LUZP2: variants seen among roughly 807,000 people sequenced by gnomAD.
LUZP2 encodes leucine zipper protein 2.
A neutral mutation model predicts 51.6 loss-of-function variants in LUZP2; 52 were observed. That is an observed-to-expected ratio of 1.01 (90% CI 0.81 to 1.27). LUZP2 has a LOEUF of 1.27. LUZP2 is among the 50% of genes most tolerant of loss of function. The pLI is 0.00. For missense variants in LUZP2, 436 were observed against 395.4 expected (o/e 1.10, Z -0.87); for synonymous variants, 154 against 137.3 (o/e 1.12, Z -0.85).
At chr11:25,035,381 C>T (rs1358672351) in intron 9 of LUZP2, among the ~76,000 whole-genome samples, 4 of 152,034 alleles carry the variant, frequency 2.6e-5, no homozygotes, top group African/African-American at 7.2e-5. Flanking sequence ...AGCATTTCTA[C>T]ACATCAACAA....
intron 9 of LUZP2, among the ~76,000 whole-genome samples, chr11:24,998,714 T>C (rs1449408754): frequency 2.0e-5 from 3 of 152,178 alleles, no homozygotes; most frequent in African/African-American, 7.2e-5. Flanking sequence ...CCCAACTTAA[T>C]AGGATTTCTG....
chr11:24,856,241 C>G (rs1036688138), intron 5 of LUZP2, among the ~76,000 whole-genome samples: 4 of 151,596 alleles, frequency 2.6e-5, no homozygotes, highest in Non-Finnish European at 1.5e-5. Flanking sequence ...AGGAACTTAA[C>G]AACAAGAAAC....
chr11:24,525,050 T>A (rs371922910), intron 1 of LUZP2, among the ~76,000 whole-genome samples: 9 of 151,760 alleles, frequency 5.9e-5, no homozygotes, highest in African/African-American at 1.9e-4. Context: ...TTCTTCAATG[T>A]TCAGGACTAT....
At chr11:24,694,109 C>T (rs114801602) in intron 1 of LUZP2, among the ~76,000 whole-genome samples, 2,830 of 152,088 alleles carry the variant, frequency 0.019, 98 homozygotes, top group African/African-American at 0.064. Flanking sequence ...TTATATTTCA[C>T]TCTAAGTAAA....
chr11:24,599,675 G>T (rs1209365393), intron 1 of LUZP2, among the ~76,000 whole-genome samples: 5 of 152,046 alleles, frequency 3.3e-5, no homozygotes, highest in African/African-American at 1.2e-4. Flanking sequence ...TTTCTCCTCA[G>T]TTACCATATT....
intron 1 of LUZP2, among the ~76,000 whole-genome samples, chr11:24,653,764 C>T (rs770145976): frequency 2.0e-5 from 3 of 152,038 alleles, no homozygotes; most frequent in Non-Finnish European, 2.9e-5. Context: ...AAAAGTGATC[C>T]GTTCCCAGAA....
intron 5 of LUZP2, among the ~76,000 whole-genome samples, chr11:24,854,213 C>T (rs1056731384): frequency 7.9e-5 from 12 of 152,316 alleles, no homozygotes; most frequent in East Asian, 3.9e-4. Context: ...GTTGAAGCTG[C>T]GCCCACAGCT....
intron 1 of LUZP2, among the ~76,000 whole-genome samples, chr11:24,691,400 C>G (rs1857060342): frequency 6.6e-6 from 1 of 151,082 alleles, no homozygotes; most frequent in African/African-American, 2.4e-5. Flanking sequence ...TTTGAAAATG[C>G]TTGTGGTTAG....
intron 9 of LUZP2, among the ~76,000 whole-genome samples, chr11:24,984,398 C>A (rs572235595): frequency 2.7e-5 from 4 of 150,574 alleles, no homozygotes; most frequent in African/African-American, 9.7e-5. Context: ...AACTTATGAA[C>A]TACAAAGATT....
intron 9 of LUZP2, among the ~76,000 whole-genome samples, chr11:24,997,530 G>C (rs1227975944): frequency 6.6e-6 from 1 of 152,184 alleles, no homozygotes; most frequent in Non-Finnish European, 1.5e-5. Context: ...CCCTTTGTCA[G>C]ATGAGTAGGT....
chr11:25,023,258 G>A (rs541618846), intron 9 of LUZP2, among the ~76,000 whole-genome samples: 17 of 152,164 alleles, frequency 1.1e-4, no homozygotes, highest in East Asian at 7.7e-4. Context: ...GTAGAATTCG[G>A]CTGTGAATCC....
In LUZP2 at chr11:24,549,595, G is replaced by A. The variant is rs575073157; in HGVS notation, c.62+52290G>A. ...TTTATACAAGCGGAAGCAAGTAGGT[G>A]TATTTACACCAGCATCACCACAAAC... On this transcript the variant is annotated intron_variant, in intron 1 of 11. Transcript: ENST00000336930. 4.6e-5 allele frequency among the ~76,000 whole-genome samples: 7 copies of A among 152,042 alleles called. No individual in the cohort carries two copies. The South Asian group carries it at 1.4e-3, about 31-fold the overall frequency.
At chr11:24,801,695 C>G (rs1180796278) in intron 5 of LUZP2, among the ~76,000 whole-genome samples, 3 of 151,292 alleles carry the variant, frequency 2.0e-5, no homozygotes, top group Non-Finnish European at 4.4e-5. Flanking sequence ...ATAGTATTAT[C>G]ATTTAGACAA....
intron 5 of LUZP2, among the ~76,000 whole-genome samples, chr11:24,806,837 T>G (rs1202289777): frequency 2.0e-5 from 3 of 151,892 alleles, no homozygotes; most frequent in Non-Finnish European, 4.4e-5. Flanking sequence ...GAAGGGTAAC[T>G]CTGATAAAAT....
intron 1 of LUZP2, among the ~76,000 whole-genome samples, chr11:24,610,251 G>A (rs1234068238): frequency 1.3e-4 from 20 of 152,118 alleles, no homozygotes; most frequent in Non-Finnish European, 7.3e-5. Context: ...TGGAGGTTGT[G>A]GGGGAAAATC....
chr11:24,934,210 A>G (rs1024966252), intron 7 of LUZP2, among the ~76,000 whole-genome samples: 1 of 152,228 alleles, frequency 6.6e-6, no homozygotes, highest in African/African-American at 2.4e-5. Context: ...GCTTCAGGCC[A>G]TCTGGATATA....
rs1192064930 is a variant in LUZP2, at chr11:24,530,540, A to G, written c.62+33235A>G. 2.0e-5 allele frequency among the ~76,000 whole-genome samples: 3 copies of G among 150,920 alleles called. No homozygotes were observed. In the East Asian group the frequency reaches 5.8e-4, roughly 29 times the overall value. ...GCTACTGTCACCATTTTACAGCACT[A>G]AAAATTATTGTTAAAAACAAGAATC... On this transcript the variant is annotated intron_variant, in intron 1 of 11. Coordinates refer to ENST00000336930, the MANE Select transcript of LUZP2 (RefSeq NM_001009909.4).
intron 5 of LUZP2, among the ~76,000 whole-genome samples, chr11:24,796,089 T>G (rs1849537336): frequency 6.6e-6 from 1 of 152,130 alleles, no homozygotes; most frequent in Admixed American, 6.6e-5. Context: ...ACTTTGTTTT[T>G]TGAGTGCAAA....
At chr11:24,976,486 T>A (rs1470542646) in intron 7 of LUZP2, 105 bp from the exon 8 acceptor site, 2 of 597,406 alleles carry the variant, frequency 3.3e-6, no homozygotes, top group East Asian at 3.3e-5. Context: ...TTTTTTTTTT[T>A]TTCTTTTCTC....
Sources: gnomAD v4.1 joint callset for allele counts (sites outside exome capture counted in the v4.1 genomes callset) on GRCh38, gnomAD v4.1.1 for gene constraint, MANE v1.5 for transcripts, NCBI Gene and HGNC (gene_info 2026-07-23, HGNC 2026-07-21) for gene names.